Variants in RASA1 observed in about 807,000 individuals in gnomAD.
The protein encoded by RASA1 is ras GTPase-activating protein 1.
Under a neutral mutation model 132.2 loss-of-function variants are expected in RASA1, and 25 were observed. That is an observed-to-expected ratio of 0.19 (90% CI 0.14 to 0.26). The LOEUF (loss-of-function observed/expected upper bound fraction) is 0.26. Among genes scored for constraint, RASA1 ranks in the 10% least tolerant of loss-of-function variants. The probability of loss-of-function intolerance (pLI) is 1.00; values close to 1 mark genes in which losing one functional copy is unlikely to be tolerated. For missense variants in RASA1, 964 were observed against 1,299.2 expected (o/e 0.74, Z 3.97); for synonymous variants, 477 against 449.9 (o/e 1.06, Z -0.76).
chr5:87,377,052 C>T lies in RASA1; in HGVS notation c.2344+12C>T. 5.6e-6 allele frequency: 9 copies of T among 1,610,072 alleles called. No homozygotes were observed. Among genetic ancestry groups the T allele is most frequent in the Non-Finnish European group, 5.9e-6 (7 of 1,176,710 alleles). On this transcript the variant is annotated intron_variant, in intron 17 of 24. Transcript: ENST00000274376. ...AATAAGCATGGAAGGTATGGTATGG[C>T]CATGTTAGTGTGATACAAGAAACTG...
chr5:87,275,931 G>C (rs753754035), intron 1 of RASA1, among the ~76,000 whole-genome samples: 1 of 152,068 alleles, frequency 6.6e-6, no homozygotes, highest in Non-Finnish European at 1.5e-5. Context: ...CCAAGCCCTA[G>C]TGTGCCGGTA....
At chr5:87,298,492 A>T (rs1358824633) in intron 1 of RASA1, among the ~76,000 whole-genome samples, 3 of 152,070 alleles carry the variant, frequency 2.0e-5, no homozygotes, top group African/African-American at 7.2e-5. Context: ...TTTAAAGGTT[A>T]CAAGTTTTAA....
At chr5:87,319,124 C>A (rs1756574719) in intron 1 of RASA1, among the ~76,000 whole-genome samples, 2 of 152,232 alleles carry the variant, frequency 1.3e-5, no homozygotes, top group Non-Finnish European at 2.9e-5. Flanking sequence ...CTCCTAAGGC[C>A]TTTGGCAGCT....
Position 87,390,978 on chromosome 5 carries a change from A to G in RASA1, c.*95A>G, listed in dbSNP as rs952567924. 5.8e-6 allele frequency: 7 copies of G among 1,201,906 alleles called. No individual in the cohort carries two copies. Among genetic ancestry groups the G allele is most frequent in the East Asian group, 4.9e-5 (2 of 40,668 alleles). 74.5% of individuals were successfully genotyped at this position (1,201,906 alleles called of 1,614,324 possible). A position where few individuals can be genotyped will look rare whatever the true frequency, so the allele number is the denominator to read the frequency against. ...TCCTTTGCTCTTGCCAAAAAATAGC[A>G]CACTTTTCCACATTCCAGTGATGTG... On this transcript the variant is annotated 3_prime_UTR_variant, in exon 25 of 25. Transcript: ENST00000274376.
intron 14 of RASA1, 137 bp downstream of exon 14, chr5:87,374,457 ATAT>A (rs1461925701): frequency 7.6e-4 from 186 of 243,940 alleles, no homozygotes; most frequent in African/African-American, 1.2e-3. Flanking sequence ...ATATATATAT[ATAT>A]TTTTTTTTTT....
At chr5:87,375,313 T>TG (rs1014989865) in intron 15 of RASA1, among the ~76,000 whole-genome samples, 9 of 152,022 alleles carry the variant, frequency 5.9e-5, no homozygotes, top group African/African-American at 2.2e-4. Flanking sequence ...CAGGCTGCAG[T>TG]GCAGTGGTGT....
At chr5:87,337,199 G>T (rs1382776408) in intron 4 of RASA1, among the ~76,000 whole-genome samples, 1 of 151,994 alleles carries the variant, frequency 6.6e-6, no homozygotes, top group Non-Finnish European at 1.5e-5. Context: ...ATTACTAATG[G>T]TTTTATATTG....
chr5:87,361,567 A>G (rs972958131), intron 9 of RASA1, among the ~76,000 whole-genome samples: 30 of 152,318 alleles, frequency 2.0e-4, no homozygotes, highest in African/African-American at 6.5e-4. Flanking sequence ...ACTGAGTCCA[A>G]TTGACCTTAA....
Position 87,379,788 on chromosome 5 carries a change from C to T in RASA1, c.2541C>T (p.His847=), listed in dbSNP as rs748840639. 1 of 1,612,904 alleles carries T rather than the reference C, an allele frequency of 6.2e-7. No individual in the cohort carries two copies. Among genetic ancestry groups the T allele is most frequent in the South Asian group, 1.1e-5 (1 of 91,046 alleles). The stretch of plus-strand genomic sequence containing the variant: ...AAGATGTGAACACTAATTTAACACA[C>T]CTATTGAACATACTTTCAGAGCTTG... ...KNEDVNTNLT[H]LLNILSELVE... Residue 847 remains histidine (H), a synonymous_variant, in exon 19 of 25, where the codon CAC becomes CAT. Transcript: ENST00000274376.
intron 1 of RASA1, among the ~76,000 whole-genome samples, chr5:87,302,964 C>T (rs889830872): frequency 2.6e-5 from 4 of 151,816 alleles, no homozygotes; most frequent in Admixed American, 2.0e-4. Context: ...TTCTTTTAGA[C>T]GTACATATGG....
rs1761341362 is a variant in RASA1 at position 87,376,566 on chromosome 5, G to T, written c.2184+1G>T. ...AGAAGAGTACAGTGAATTTAAAGAGGTATTAAATTATTTATCAGTCTTGTT... is the reference window on the plus strand; with the variant it reads ...AGAAGAGTACAGTGAATTTAAAGAGTTATTAAATTATTTATCAGTCTTGTT... On this transcript the variant is annotated splice_donor_variant, in intron 16 of 24. Coordinates refer to ENST00000274376, the MANE Select transcript of RASA1 (RefSeq NM_002890.3). LOFTEE classifies it high-confidence loss of function. 6.2e-7 allele frequency: 1 copy of T among 1,611,600 alleles called. No homozygotes were observed. The highest frequency in any genetic ancestry group is 8.5e-7 in the Non-Finnish European group (1 of 1,177,842).
chr5:87,387,014 CAAA>C, intron 23 of RASA1, 111 bp downstream of exon 23: 2 of 1,040,194 alleles, frequency 1.9e-6, no homozygotes, highest in Non-Finnish European at 2.8e-6. Flanking sequence ...ACTAAAAAGA[CAAA>C]AAGCCTGCAA....
chr5:87,329,875 A>T (rs754986000), intron 1 of RASA1, among the ~76,000 whole-genome samples: 2 of 152,184 alleles, frequency 1.3e-5, no homozygotes, highest in African/African-American at 4.8e-5. Context: ...TCGTTAAATT[A>T]TAGTTCCTTA....
At chr5:87,370,625 A>G (rs988545714) in intron 12 of RASA1, among the ~76,000 whole-genome samples, 1 of 152,148 alleles carries the variant, frequency 6.6e-6, no homozygotes, top group Admixed American at 6.6e-5. Context: ...GAGACACTGT[A>G]AGCCAGCCTA....
chr5:87,338,354 CAG>C (rs1349794551), intron 5 of RASA1, among the ~76,000 whole-genome samples: 3 of 150,450 alleles, frequency 2.0e-5, no homozygotes, highest in East Asian at 2.0e-4. Flanking sequence ...TCTTTTGAGA[CAG>C]AGTCTTGGTC....
At chr5:87,323,747 T>C (rs1452303653) in intron 1 of RASA1, among the ~76,000 whole-genome samples, 1 of 152,096 alleles carries the variant, frequency 6.6e-6, no homozygotes, top group African/African-American at 2.4e-5. Context: ...TTTTTCCCAC[T>C]GCCTGTTATA....
At chr5:87,289,328 C>G (rs939984046) in intron 1 of RASA1, among the ~76,000 whole-genome samples, 1 of 152,016 alleles carries the variant, frequency 6.6e-6, no homozygotes, top group African/African-American at 2.4e-5. Flanking sequence ...GTGGGTTGCA[C>G]CAGATTTTGC....
intron 1 of RASA1, among the ~76,000 whole-genome samples, chr5:87,287,241 T>C (rs1460007843): frequency 6.9e-6 from 1 of 145,408 alleles, no homozygotes; most frequent in Admixed American, 6.9e-5. Context: ...ACACCATATA[T>C]ATACCGTATA....
At chr5:87,374,395 G>A in intron 14 of RASA1, 75 bp downstream of exon 14, 1 of 1,335,950 alleles carries the variant, frequency 7.5e-7, no homozygotes, top group Non-Finnish European at 1.0e-6. Flanking sequence ...TTTGGTCTCT[G>A]TATCTAAACC....
Sources: allele counts gnomAD v4.1 joint callset (sites outside exome capture counted in the v4.1 genomes callset), GRCh38; gene constraint gnomAD v4.1.1; transcripts MANE v1.5; gene names NCBI Gene and HGNC (gene_info 2026-07-23, HGNC 2026-07-21).